The following DMD variants were observed in gnomAD, a reference collection of about 807,000 sequenced individuals.
DMD encodes dystrophin, also known as mutant dystrophin.
In DMD, 63 loss-of-function variants were observed where a neutral mutation model predicts 330.1. That is an observed-to-expected ratio of 0.19 (90% CI 0.16 to 0.24). DMD has a LOEUF of 0.24. Ranked by LOEUF, DMD falls within the 10% of genes least tolerant of loss-of-function variation. DMD has a pLI of 1.00. For missense variants in DMD, 3,344 were observed against 2,684.1 expected, an observed-to-expected ratio of 1.25 and a Z score of -5.43; for synonymous variants, 1,223 against 959.8, an observed-to-expected ratio of 1.27 and a Z score of -5.07.
chrX:32,641,407 CGTATATAT>C (rs1336623337), intron 11 of DMD: 1,241 of 63,212 alleles, frequency 0.02, 25 homozygotes, highest in African/African-American at 0.075. Flanking sequence ...GTATTTTATA[CGTATATAT>C]ATATATATAT....
chrX:31,771,464 G>A (rs745983619), intron 51 of DMD, among the ~76,000 whole-genome samples: 2 of 108,192 alleles, frequency 1.8e-5, no homozygotes, highest in African/African-American at 3.3e-5. Context: ...TATAAATCCT[G>A]TATTTTTGTG....
chrX:31,152,537 T>TC (rs1205583711), intron 74 of DMD, among the ~76,000 whole-genome samples: 1 of 23,941 alleles, frequency 4.2e-5, no homozygotes, highest in Non-Finnish European at 7.8e-5. Flanking sequence ...AATTAATTCA[T>TC]CTTTTTTTTT....
chrX:32,649,315 G>T (rs190506437), intron 9 of DMD, among the ~76,000 whole-genome samples: 15 of 109,400 alleles, frequency 1.4e-4, no homozygotes, highest in African/African-American at 5.0e-4. Context: ...AGCACTTTGG[G>T]AGGCTGAGGC....
At position 32,448,605 on chromosome X, in the gene DMD, T is replaced by C. The variant is rs886043133; in HGVS notation, c.3637A>G (p.Lys1213Glu). The C allele has an allele frequency of 1.7e-6, 2 of 1,208,118 alleles. No individual in the cohort carries two copies. Among genetic ancestry groups the C allele is most frequent in the Middle Eastern group, 2.3e-4 (1 of 4,296 alleles). ...AKEEAQQKEA[K>E]VKLLTESVNS... ...ACAGACTCAGTAAGGAGTTTCACTTTCGCTTCTTTTTGTTGGGCCTCTTCT... is the reference window on the plus strand; with the variant it reads ...ACAGACTCAGTAAGGAGTTTCACTTCCGCTTCTTTTTGTTGGGCCTCTTCT... Residue 1213 changes from lysine to glutamate, a missense_variant, in exon 27 of 79, where the codon AAA (lysine) becomes GAA (glutamate). By Grantham distance (56) the Lys-to-Glu change is moderately conservative (BLOSUM62 1). Coordinates refer to ENST00000357033, the MANE Select transcript of DMD (RefSeq NM_004006.3).
intron 1 of DMD, among the ~76,000 whole-genome samples, chrX:33,090,610 C>A (rs7058847): frequency 0.027 from 2,896 of 108,541 alleles, 81 homozygotes; most frequent in African/African-American, 0.066. Context: ...GAGAGTTTGT[C>A]TTTTCTGGGC....
intron 44 of DMD, among the ~76,000 whole-genome samples, chrX:32,202,889 G>T (rs2097047354): frequency 8.9e-6 from 1 of 111,972 alleles, no homozygotes; most frequent in Non-Finnish European, 1.9e-5. Context: ...AAAAACCCAG[G>T]AAGTATACAG....
At chrX:32,213,361 TGCCTTATCGATGAA>T (rs1347030625) in intron 44 of DMD, among the ~76,000 whole-genome samples, 1 of 112,601 alleles carries the variant, frequency 8.9e-6, no homozygotes, top group Non-Finnish European at 1.9e-5. Flanking sequence ...AGCTTTGATT[TGCCTTATCGATGAA>T]GGTATCTTAC....
chrX:32,460,067 A>G (rs901276452), intron 25 of DMD, among the ~76,000 whole-genome samples: 4 of 110,891 alleles, frequency 3.6e-5, no homozygotes, highest in African/African-American at 1.3e-4. Context: ...TGGGCAAATA[A>G]TCTGAACAGT....
intron 1 of DMD, among the ~76,000 whole-genome samples, chrX:33,114,005 C>G (rs1440776552): frequency 9.1e-6 from 1 of 110,027 alleles, no homozygotes; most frequent in East Asian, 2.8e-4. Context: ...TAAAAATAAC[C>G]AAGACAAAAA....
rs748518287 is a variant in DMD at position 32,796,322 on chromosome X, G to A, written c.649+13171C>T. On this transcript the variant is annotated intron_variant, in intron 7 of 78. Coordinates refer to ENST00000357033, the MANE Select transcript of DMD (RefSeq NM_004006.3). The stretch of plus-strand genomic sequence containing the variant: ...AGAATTACATTTTCTGCACCAACAT[G>A]AATGAAACTGCAGGTTATTAAGTGA... Among the ~76,000 whole-genome samples the A allele has an allele frequency of 1.3e-4, 14 of 111,327 alleles. No individual in the cohort carries two copies. In the South Asian group the frequency reaches 4.2e-3, roughly 33 times the overall value.
intron 62 of DMD, among the ~76,000 whole-genome samples, chrX:31,293,193 TAGTCTGGTTTA>T (rs1237104954): frequency 0.014 from 791 of 57,298 alleles, 12 homozygotes; most frequent in African/African-American, 0.042. Context: ...TGTGTGTGTG[TAGTCTGGTTTA>T]GTGTGTGTGT....
chrX:32,429,387 G>GTTTTTTTTTGT (rs2098227559), intron 29 of DMD, among the ~76,000 whole-genome samples: 1 of 44,202 alleles, frequency 2.3e-5, no homozygotes, highest in African/African-American at 1.1e-4. Context: ...TTTTTTTTGG[G>GTTTTTTTTTGT]TTTTTTTTTT....
chrX:33,185,656 C>A (rs2050220936), intron 1 of DMD, among the ~76,000 whole-genome samples: 1 of 111,497 alleles, frequency 9.0e-6, no homozygotes, highest in African/African-American at 3.3e-5. Flanking sequence ...CCTGGATAGC[C>A]CATCAACAAT....
At chrX:33,333,571 A>C (rs1424035477) in intron 1 of DMD, among the ~76,000 whole-genome samples, 2 of 111,131 alleles carry the variant, frequency 1.8e-5, no homozygotes, top group Admixed American at 1.9e-4. Context: ...ACCAGTGAGC[A>C]GAAATTATAT....
intron 33 of DMD, among the ~76,000 whole-genome samples, chrX:32,382,906 A>G (rs940639618): frequency 6.3e-5 from 7 of 110,740 alleles, no homozygotes; most frequent in African/African-American, 2.3e-4. Context: ...TGAGTTTTAT[A>G]CTTTGTGTGT....
rs772698806 is a variant in DMD, at chrX:32,644,918, ATAACAAGTCATATGTTTTGTTTTG to A, written c.1149+22_1149+45del. On this transcript the variant is annotated intron_variant, in intron 10 of 78. Transcript: ENST00000357033. ...TGAGGAAAAAGGATGACTTGCCATT[ATAACAAGTCATATGTTTTGTTTTG>A]TAAATTAACGTTTTAGTTTACCTCA... 1.1e-5 allele frequency: 13 copies of A among 1,182,422 alleles called. No homozygotes were observed. In the South Asian group the frequency reaches 1.8e-4, roughly 16 times the overall value.
chrX:32,456,978 A>T (rs1189293594), intron 25 of DMD, among the ~76,000 whole-genome samples: 4 of 92,860 alleles, frequency 4.3e-5, no homozygotes, highest in Non-Finnish European at 6.6e-5. Flanking sequence ...AAAAAAAAAA[A>T]CTTACAGCAG....
At chrX:32,681,759 C>T (rs2089208526) in intron 9 of DMD, among the ~76,000 whole-genome samples, 1 of 111,693 alleles carries the variant, frequency 9.0e-6, no homozygotes, top group South Asian at 3.7e-4. Context: ...TAGGGAAAAA[C>T]GACCTGCAAA....
At chrX:31,671,304 T>G (rs946004191) in intron 53 of DMD, among the ~76,000 whole-genome samples, 2 of 112,617 alleles carry the variant, frequency 1.8e-5, no homozygotes, top group Non-Finnish European at 3.7e-5. Flanking sequence ...ATATTTATTG[T>G]GATGACCATA....
Sources: allele counts gnomAD v4.1 joint callset (sites outside exome capture counted in the v4.1 genomes callset), GRCh38; gene constraint gnomAD v4.1.1; transcripts MANE v1.5; gene names NCBI Gene and HGNC (gene_info 2026-07-23, HGNC 2026-07-21).